The following FRMD3 variants were observed in gnomAD, a reference collection of about 807,000 sequenced individuals.
The protein encoded by FRMD3 is FERM domain containing 3, also known as FERM domain-containing protein 3.
In FRMD3, 33 loss-of-function variants were observed where a neutral mutation model predicts 70.2. That is an observed-to-expected ratio of 0.47 (90% CI 0.36 to 0.63). The LOEUF is 0.63. FRMD3 is among the 20% of genes least tolerant of loss of function. FRMD3 has a pLI of 0.00. For synonymous variants in FRMD3, 279 were observed against 255.9 expected, an observed-to-expected ratio of 1.09 and a Z score of -0.86; for missense variants, 632 against 711.4, an observed-to-expected ratio of 0.89 and a Z score of 1.27.
intron 5 of FRMD3, among the ~76,000 whole-genome samples, chr9:83,336,239 A>T (rs1823573881): frequency 1.3e-5 from 2 of 152,256 alleles, no homozygotes; most frequent in South Asian, 2.1e-4. Flanking sequence ...TGTATATGTA[A>T]AGCTCGGTTT....
chr9:83,453,605 T>C (rs148814765), intron 1 of FRMD3, among the ~76,000 whole-genome samples: 1 of 152,088 alleles, frequency 6.6e-6, no homozygotes, highest in Non-Finnish European at 1.5e-5. Context: ...ATAAAAAGAA[T>C]ATAAAATCTC....
the FRMD3 span, among the ~76,000 whole-genome samples, chr9:83,544,714 T>C: frequency 6.6e-6 from 1 of 152,160 alleles, no homozygotes; most frequent in African/African-American, 2.4e-5. Context: ...CCTACTCACA[T>C]GCCCAGTACA....
chr9:83,296,476 T>A (rs1452695912), intron 12 of FRMD3, among the ~76,000 whole-genome samples: 1 of 152,218 alleles, frequency 6.6e-6, no homozygotes, highest in Non-Finnish European at 1.5e-5. Context: ...ATGACCAAGA[T>A]AGACACGGTC....
chr9:83,457,528 T>C (rs958130543), intron 1 of FRMD3, among the ~76,000 whole-genome samples: 6 of 152,232 alleles, frequency 3.9e-5, no homozygotes, highest in Non-Finnish European at 8.8e-5. Context: ...TATTTTCATA[T>C]AATTTGTGGA....
downstream of FRMD3, among the ~76,000 whole-genome samples, chr9:83,243,627 TC>T (rs944005300): frequency 6.6e-6 from 1 of 152,124 alleles, no homozygotes; most frequent in Admixed American, 6.5e-5. Flanking sequence ...GAACTATAGG[TC>T]CGTAAGCTTC....
At chr9:83,556,793 A>G in the FRMD3 span, among the ~76,000 whole-genome samples, 1 of 152,064 alleles carries the variant, frequency 6.6e-6, no homozygotes, top group Non-Finnish European at 1.5e-5. Flanking sequence ...AAAATATTTT[A>G]GGATATATGA....
chr9:83,580,634 G>A, the FRMD3 span, among the ~76,000 whole-genome samples: 5 of 152,010 alleles, frequency 3.3e-5, no homozygotes, highest in African/African-American at 4.8e-5. Flanking sequence ...GAGAATGAAC[G>A]GGGAATTATT....
At chr9:83,405,760 CAAA>C (rs34189949) in intron 1 of FRMD3, among the ~76,000 whole-genome samples, 1 of 138,816 alleles carries the variant, frequency 7.2e-6, no homozygotes, top group Admixed American at 7.2e-5. Flanking sequence ...GAAACTCAGT[CAAA>C]AAAAAAAAAA....
chr9:83,321,374 T>G (rs1304022710), intron 6 of FRMD3, among the ~76,000 whole-genome samples: 2 of 152,174 alleles, frequency 1.3e-5, no homozygotes, highest in Non-Finnish European at 2.9e-5. Flanking sequence ...TTTGTTACAT[T>G]GTGTTTTCAT....
chr9:83,374,432 A>C lies in FRMD3; in HGVS notation c.253-1477T>G, dbSNP rs546683614. 2.0e-5 allele frequency among the ~76,000 whole-genome samples: 3 copies of C among 152,314 alleles called. No individual in the cohort carries two copies. In the South Asian group the frequency reaches 6.2e-4, roughly 32 times the overall value. The stretch of plus-strand genomic sequence containing the variant: ...CGACCAGGTTGCACAGACAAACTGA[A>C]AAAACAAGTCTTTTTGCTTCTGGCT... On this transcript the variant is annotated intron_variant, in intron 2 of 13. Transcript: ENST00000304195.
rs1824702835 is a variant in FRMD3 at position 83,363,882 on chromosome 9, A to G, written c.295+9031T>C. On this transcript the variant is annotated intron_variant, in intron 3 of 13. Transcript: ENST00000304195. ...ACATAGGCATTTTTAATCTTGAAAGATATAACCAGATTACTCTCCAAAGTG... is the reference window on the plus strand; with the variant it reads ...ACATAGGCATTTTTAATCTTGAAAGGTATAACCAGATTACTCTCCAAAGTG... Among the ~76,000 whole-genome samples the G allele has an allele frequency of 2.6e-5, 4 of 152,302 alleles. No individual in the cohort carries two copies. The South Asian group carries it at 6.2e-4, about 24-fold the overall frequency.
At chr9:83,314,773 C>T (rs1835498031) in intron 6 of FRMD3, among the ~76,000 whole-genome samples, 1 of 151,250 alleles carries the variant, frequency 6.6e-6, no homozygotes, top group East Asian at 2.0e-4. Context: ...TCCTTTTAAT[C>T]CAACAATGCA....
intron 13 of FRMD3, among the ~76,000 whole-genome samples, chr9:83,277,387 T>G (rs1027863036): frequency 2.0e-5 from 3 of 152,160 alleles, no homozygotes; most frequent in Non-Finnish European, 4.4e-5. Flanking sequence ...TTTTAAGAGA[T>G]GGAGTCTCAC....
chr9:83,336,356 C>T (rs1823578720), intron 5 of FRMD3, among the ~76,000 whole-genome samples: 1 of 149,758 alleles, frequency 6.7e-6, no homozygotes, highest in Non-Finnish European at 1.5e-5. Context: ...AATTTAATGC[C>T]CCCGCCCCAG....
At chr9:83,462,147 ACCATAAGCCTAT>A (rs1827994667) in intron 1 of FRMD3, among the ~76,000 whole-genome samples, 1 of 152,232 alleles carries the variant, frequency 6.6e-6, no homozygotes, top group African/African-American at 2.4e-5. Context: ...GATTAGGTGA[ACCATAAGCCTAT>A]CCATGACTAC....
At chr9:83,434,819 CTTTTTTTTTTTTTT>C (rs757810185) in intron 1 of FRMD3, among the ~76,000 whole-genome samples, 5 of 74,878 alleles carry the variant, frequency 6.7e-5, no homozygotes, top group South Asian at 5.8e-4. Context: ...CACCCCTCTG[CTTTTTTTTTTTTTT>C]TTTTTTTTTT....
At chr9:83,344,329 T>C (rs1257397020) in intron 4 of FRMD3, among the ~76,000 whole-genome samples, 1 of 150,206 alleles carries the variant, frequency 6.7e-6, no homozygotes, top group Non-Finnish European at 1.5e-5. Context: ...GGAGCATCTC[T>C]CAATCAGTCC....
At chr9:83,466,617 A>G (rs1056135463) in intron 1 of FRMD3, among the ~76,000 whole-genome samples, 26 of 152,182 alleles carry the variant, frequency 1.7e-4, no homozygotes, top group African/African-American at 6.0e-4. Flanking sequence ...TAGGTACCCT[A>G]GAAAAGACTG....
At chr9:83,543,522 T>C (rs1405698704), upstream of FRMD3, among the ~76,000 whole-genome samples, 3 of 152,054 alleles carry the variant, frequency 2.0e-5, no homozygotes, top group South Asian at 2.1e-4. Flanking sequence ...TGTGCACCCA[T>C]TTTGGGACTC....
Sources: allele counts gnomAD v4.1 joint callset (sites outside exome capture counted in the v4.1 genomes callset), GRCh38; gene constraint gnomAD v4.1.1; transcripts MANE v1.5; gene names NCBI Gene and HGNC (gene_info 2026-07-23, HGNC 2026-07-21).